ADARB2: variants seen among roughly 807,000 people sequenced by gnomAD.
ADARB2 encodes the protein inactive double-stranded RNA-specific editase B2.
A neutral mutation model predicts 62.2 loss-of-function variants in ADARB2; 25 were observed. The ratio of observed to expected loss-of-function variants is 0.40; its 90% confidence interval spans 0.29 to 0.56. The LOEUF (loss-of-function observed/expected upper bound fraction) is 0.56, where lower values mean the gene tolerates loss of function less well. ADARB2 is among the 20% of genes least tolerant of loss of function. The pLI is 0.43. For missense variants in ADARB2, 1,071 were observed against 1,077.4 expected (o/e 0.99, Z 0.08); for synonymous variants, 572 against 500.8 (o/e 1.14, Z -1.90).
intron 3 of ADARB2, among the ~76,000 whole-genome samples, chr10:1,302,814 G>GT (rs1443312816): frequency 6.6e-6 from 1 of 152,084 alleles, no homozygotes; most frequent in Non-Finnish European, 1.5e-5. Context: ...TGCAGCTGAG[G>GT]GTCCTGTCTG....
At chr10:1,471,891 T>C (rs1310740913) in intron 1 of ADARB2, among the ~76,000 whole-genome samples, 2 of 152,246 alleles carry the variant, frequency 1.3e-5, no homozygotes, top group African/African-American at 4.8e-5. Context: ...TGTCTCACCC[T>C]CCACATCCCC....
chr10:1,670,494 C>T (rs1834370975), intron 1 of ADARB2, among the ~76,000 whole-genome samples: 1 of 152,198 alleles, frequency 6.6e-6, no homozygotes, highest in Non-Finnish European at 1.5e-5. Flanking sequence ...GGAGCTCCTG[C>T]TTCCTTGAAA....
At chr10:1,583,482 G>C (rs1370223363) in intron 1 of ADARB2, among the ~76,000 whole-genome samples, 2 of 152,144 alleles carry the variant, frequency 1.3e-5, no homozygotes, top group Non-Finnish European at 2.9e-5. Flanking sequence ...AGATAATTAG[G>C]TCAACAAAGA....
At position 1,458,665 on chromosome 10, in the gene ADARB2, C is replaced by T. The variant is rs541539128; in HGVS notation, c.101-79505G>A. Among the ~76,000 whole-genome samples, 5 of 152,182 alleles carry T rather than the reference C, an allele frequency of 3.3e-5. No homozygotes were observed. The East Asian group carries it at 9.7e-4, about 30-fold the overall frequency. Reference sequence around the variant, plus strand: ...CTTTGCTTTTACATTTTTCTGCCTGCCCCTCACTCCAGGAGCTAAAAATCA... The same window carrying T: ...CTTTGCTTTTACATTTTTCTGCCTGTCCCTCACTCCAGGAGCTAAAAATCA... On this transcript the variant is annotated intron_variant, in intron 1 of 9. Coordinates refer to ENST00000381312, the MANE Select transcript of ADARB2 (RefSeq NM_018702.4).
Position 1,181,150 on chromosome 10 carries a change from A to C in ADARB2, c.*2043T>G, listed in dbSNP as rs973081817. 2 of 152,276 alleles carry C rather than the reference A, an allele frequency of 1.3e-5. No homozygotes were observed. The highest frequency in any genetic ancestry group is 2.9e-5 in the Non-Finnish European group (2 of 68,050). The allele number at this position is 152,276 out of a possible 1,614,324, so 9.4% of individuals were successfully genotyped here. ...CTTCTCTAGCCAACATCTCAGATGA[A>C]GGTGATTTGAGGCCTGGGTGGGAGA... On this transcript the variant is annotated 3_prime_UTR_variant, in exon 10 of 10. Coordinates refer to ENST00000381312, the MANE Select transcript of ADARB2 (RefSeq NM_018702.4).
Position 1,177,623 on chromosome 10 carries a change from A to G in ADARB2, c.*5570T>C, listed in dbSNP as rs1836606089. ...TTTTACCGATGCATAAACTGCAGAG[A>G]GATAGAAATCTAGGGCCTGTGTGAA... On this transcript the variant is annotated 3_prime_UTR_variant, in exon 10 of 10. Coordinates refer to ENST00000381312, the MANE Select transcript of ADARB2 (RefSeq NM_018702.4). The G allele has an allele frequency of 6.6e-6, 1 of 152,096 alleles. No individual in the cohort carries two copies. The highest frequency in any genetic ancestry group is 2.1e-4 in the South Asian group (1 of 4,816). 9.4% of individuals were successfully genotyped at this position (152,096 alleles called of 1,614,324 possible).
chr10:1,299,355 C>A (rs566887924), intron 3 of ADARB2, among the ~76,000 whole-genome samples: 4 of 152,248 alleles, frequency 2.6e-5, no homozygotes, highest in Admixed American at 2.0e-4. Flanking sequence ...CAGCCCCAGC[C>A]TGGACTGCCC....
At chr10:1,560,751 C>T (rs910709145) in intron 1 of ADARB2, among the ~76,000 whole-genome samples, 15 of 152,228 alleles carry the variant, frequency 9.9e-5, no homozygotes, top group African/African-American at 3.6e-4. Flanking sequence ...GGAGCAGACG[C>T]AGCCTCCCAG....
chr10:1,217,216 C>A lies in ADARB2; in HGVS notation c.1514-97G>T, dbSNP rs1318934570. 4.8e-6 allele frequency: 6 copies of A among 1,241,382 alleles called. No homozygotes were observed. The African/African-American group carries it at 9.2e-5, about 19-fold the overall frequency. 76.9% of individuals were successfully genotyped at this position (1,241,382 alleles called of 1,614,324 possible). A position where few individuals can be genotyped will look rare whatever the true frequency, so the allele number is the denominator to read the frequency against. On this transcript the variant is annotated intron_variant, in intron 6 of 9. Coordinates refer to ENST00000381312, the MANE Select transcript of ADARB2 (RefSeq NM_018702.4). Reference sequence around the variant, plus strand: ...AAGGACTGCAACAGAGGTCAAAGGGCCCCTCACCATGGCTGGGCGTTTGGC... The same window carrying A: ...AAGGACTGCAACAGAGGTCAAAGGGACCCTCACCATGGCTGGGCGTTTGGC...
At chr10:1,451,889 C>T (rs1356953090) in intron 1 of ADARB2, among the ~76,000 whole-genome samples, 7 of 152,194 alleles carry the variant, frequency 4.6e-5, no homozygotes, top group African/African-American at 1.7e-4. Context: ...ACATGTGAGA[C>T]AGATGGGAAG....
At chr10:1,628,125 G>A (rs7908431) in intron 1 of ADARB2, among the ~76,000 whole-genome samples, 34,989 of 152,226 alleles carry the variant, frequency 0.23, 4,316 homozygotes, top group South Asian at 0.32. Flanking sequence ...CACCCTGGCA[G>A]CAGGTGCCTG....
intron 1 of ADARB2, among the ~76,000 whole-genome samples, chr10:1,619,369 T>C (rs898654300): frequency 1.3e-5 from 2 of 151,918 alleles, no homozygotes; most frequent in African/African-American, 2.4e-5. Context: ...TATTTATTGA[T>C]AGAACAATTA....
At chr10:1,499,023 TTCA>T (rs901321475) in intron 1 of ADARB2, among the ~76,000 whole-genome samples, 16 of 151,356 alleles carry the variant, frequency 1.1e-4, no homozygotes, top group Admixed American at 1.1e-3. Flanking sequence ...TCAACACTCA[TTCA>T]TTACTCATCA....
At chr10:1,672,386 C>G (rs908884875) in intron 1 of ADARB2, among the ~76,000 whole-genome samples, 2 of 152,180 alleles carry the variant, frequency 1.3e-5, no homozygotes, top group African/African-American at 4.8e-5. Flanking sequence ...TGCTGATTCC[C>G]TCGACATTAC....
intron 1 of ADARB2, among the ~76,000 whole-genome samples, chr10:1,682,776 T>C (rs892094905): frequency 2.0e-5 from 3 of 152,188 alleles, no homozygotes; most frequent in African/African-American, 7.2e-5. Context: ...GAAATTTAAA[T>C]TGCACATATT....
chr10:1,571,299 A>ATTTTTT (rs1239343043), intron 1 of ADARB2, among the ~76,000 whole-genome samples: 22 of 151,226 alleles, frequency 1.5e-4, no homozygotes, highest in African/African-American at 4.2e-4. Context: ...TTTTTTTTTA[A>ATTTTTT]AAAAAGCCTG....
chr10:1,703,121 C>G (rs769894541), intron 1 of ADARB2, among the ~76,000 whole-genome samples: 1 of 152,096 alleles, frequency 6.6e-6, no homozygotes, highest in Non-Finnish European at 1.5e-5. Flanking sequence ...CATGTAAGCA[C>G]GTGCTACACC....
At position 1,233,619 on chromosome 10, in the gene ADARB2, A is replaced by G. The variant is rs543370640; in HGVS notation, c.1513+75T>C. ...ACCGCGCCCCTGCCCTGGGCTGTGA[A>G]AGCCCAGGACAGAGTCCCAGATAGA... On this transcript the variant is annotated intron_variant, in intron 6 of 9. Coordinates refer to ENST00000381312, the MANE Select transcript of ADARB2 (RefSeq NM_018702.4). 1.1e-4 allele frequency: 154 copies of G among 1,452,788 alleles called. 1 individual carries two copies. In the African/African-American group the frequency reaches 2.0e-3, roughly 19 times the overall value. 90.0% of individuals were successfully genotyped at this position (1,452,788 alleles called of 1,614,324 possible).
chr10:1,463,227 G>A (rs1387429266), intron 1 of ADARB2, among the ~76,000 whole-genome samples: 1 of 152,182 alleles, frequency 6.6e-6, no homozygotes, highest in Non-Finnish European at 1.5e-5. Flanking sequence ...GATGCCTGTG[G>A]TGTTCAGCAG....
Sources: gnomAD v4.1 joint callset for allele counts (sites outside exome capture counted in the v4.1 genomes callset) on GRCh38, gnomAD v4.1.1 for gene constraint, MANE v1.5 for transcripts, NCBI Gene and HGNC (gene_info 2026-07-23, HGNC 2026-07-21) for gene names.